The following PPP2R2B variants were observed in gnomAD, a reference collection of about 807,000 sequenced individuals.
PPP2R2B encodes protein phosphatase 2 regulatory subunit Bbeta.
PPP2R2B carries 5 observed loss-of-function variants against 46.0 expected under a neutral mutation model. The ratio of observed to expected loss-of-function variants is 0.11; its 90% confidence interval spans 0.06 to 0.23. PPP2R2B has a LOEUF of 0.23. Ranked by LOEUF, PPP2R2B falls within the 10% of genes least tolerant of loss-of-function variation. The pLI is 1.00. For synonymous variants in PPP2R2B, 215 were observed against 206.7 expected (o/e 1.04, Z -0.34); for missense variants, 367 against 575.0 (o/e 0.64, Z 3.70).
chr5:146,873,222 G>A (rs756657124), intron 2 of PPP2R2B, among the ~76,000 whole-genome samples: 1 of 152,130 alleles, frequency 6.6e-6, no homozygotes, highest in Non-Finnish European at 1.5e-5. Context: ...TAAGTGCAAT[G>A]CAATCTTTCT....
intron 1 of PPP2R2B, among the ~76,000 whole-genome samples, chr5:147,029,393 C>T (rs1463833850): frequency 6.6e-6 from 1 of 152,152 alleles, no homozygotes; most frequent in East Asian, 1.9e-4. Context: ...ATTGAAAAGA[C>T]CACATTTTCT....
chr5:146,703,309 A>C (rs1197770495), intron 2 of PPP2R2B, among the ~76,000 whole-genome samples: 3 of 152,218 alleles, frequency 2.0e-5, no homozygotes, highest in African/African-American at 7.2e-5. Flanking sequence ...GCTCAAATAC[A>C]AACATTTCTC....
intron 1 of PPP2R2B, among the ~76,000 whole-genome samples, chr5:146,910,321 G>T (rs981546788): frequency 6.6e-6 from 1 of 152,192 alleles, no homozygotes; most frequent in South Asian, 2.1e-4. Context: ...GATCATTTAT[G>T]AGCTACAATG....
At position 146,585,732 on chromosome 5, in the gene PPP2R2B, A is replaced by G. The variant is rs1011368021; in HGVS notation, c.*4215T>C. The G allele has an allele frequency of 2.6e-5, 4 of 152,228 alleles. No homozygotes were observed. The highest frequency in any genetic ancestry group is 6.5e-5 in the Admixed American group (1 of 15,280). 9.4% of individuals were successfully genotyped at this position (152,228 alleles called of 1,614,324 possible). Reference sequence around the variant, plus strand: ...GAGATGAGGCATGGAAAGCAATAGTATATTACCCATCACTGTTGTTGCTAT... The same window carrying G: ...GAGATGAGGCATGGAAAGCAATAGTGTATTACCCATCACTGTTGTTGCTAT... On this transcript the variant is annotated 3_prime_UTR_variant, in exon 10 of 10. Transcript: ENST00000394411.
intron 1 of PPP2R2B, among the ~76,000 whole-genome samples, chr5:146,915,537 A>G (rs925768780): frequency 2.0e-5 from 3 of 152,012 alleles, no homozygotes; most frequent in Admixed American, 1.3e-4. Flanking sequence ...AATTGCCACT[A>G]TGTGAAATTT....
At chr5:146,642,721 A>G (rs1257810684) in intron 6 of PPP2R2B, among the ~76,000 whole-genome samples, 4 of 152,206 alleles carry the variant, frequency 2.6e-5, no homozygotes, top group Admixed American at 2.6e-4. Context: ...TGATCAGCAC[A>G]ATTTCCACAT....
intron 2 of PPP2R2B, among the ~76,000 whole-genome samples, chr5:146,836,785 T>C (rs1027860941): frequency 6.6e-6 from 1 of 152,218 alleles, no homozygotes; most frequent in Non-Finnish European, 1.5e-5. Flanking sequence ...GGCTAGATCT[T>C]TTTTAATGTA....
chr5:146,711,245 A>G (rs887157063), intron 2 of PPP2R2B, among the ~76,000 whole-genome samples: 6 of 150,966 alleles, frequency 4.0e-5, no homozygotes, highest in Non-Finnish European at 5.9e-5. Context: ...TTTTTTTTCT[A>G]TGCTCACAAG....
intron 6 of PPP2R2B, among the ~76,000 whole-genome samples, chr5:146,643,523 C>T (rs1464079046): frequency 6.6e-6 from 1 of 152,120 alleles, no homozygotes; most frequent in African/African-American, 2.4e-5. Flanking sequence ...TATGTTCCCA[C>T]TCATAAGTGG....
At chr5:146,844,152 A>G (rs1759836144) in intron 2 of PPP2R2B, among the ~76,000 whole-genome samples, 1 of 135,954 alleles carries the variant, frequency 7.4e-6, no homozygotes, top group Non-Finnish European at 1.5e-5. Context: ...GAATTGAACA[A>G]TGAGATCACA....
At chr5:146,624,648 C>T (rs989401758) in intron 7 of PPP2R2B, among the ~76,000 whole-genome samples, 1 of 152,188 alleles carries the variant, frequency 6.6e-6, no homozygotes, top group African/African-American at 2.4e-5. Flanking sequence ...ATCCTCTTTA[C>T]ACCAAGCCCT....
chr5:146,620,827 C>T (rs565644799), intron 7 of PPP2R2B, among the ~76,000 whole-genome samples: 1 of 152,250 alleles, frequency 6.6e-6, no homozygotes, highest in Non-Finnish European at 1.5e-5. Context: ...AAGAGAAGCC[C>T]GAACTCCCTG....
At chr5:147,031,098 A>G (rs544648044) in intron 1 of PPP2R2B, among the ~76,000 whole-genome samples, 15 of 152,196 alleles carry the variant, frequency 9.9e-5, no homozygotes, top group South Asian at 2.1e-4. Context: ...TTAGCTGGGC[A>G]TGGTGGCGGG....
chr5:146,949,571 T>C (rs1281432737), intron 1 of PPP2R2B, among the ~76,000 whole-genome samples: 2 of 152,030 alleles, frequency 1.3e-5, no homozygotes, highest in East Asian at 3.9e-4. Flanking sequence ...TTGGTGGGGA[T>C]GTAAATTAGT....
chr5:146,868,687 C>A (rs1761450866), intron 2 of PPP2R2B, among the ~76,000 whole-genome samples: 1 of 152,196 alleles, frequency 6.6e-6, no homozygotes, highest in Admixed American at 6.5e-5. Context: ...CCCCCCAGTT[C>A]ATTTTCAAAT....
At chr5:146,991,240 G>A (rs1386630309) in intron 1 of PPP2R2B, among the ~76,000 whole-genome samples, 2 of 152,094 alleles carry the variant, frequency 1.3e-5, no homozygotes, top group African/African-American at 4.8e-5. Context: ...CAAAGGAAAT[G>A]AAATCAGTAT....
chr5:146,613,796 A>T (rs1772862017), intron 7 of PPP2R2B, among the ~76,000 whole-genome samples: 1 of 143,644 alleles, frequency 7.0e-6, no homozygotes, highest in African/African-American at 2.8e-5. Flanking sequence ...CTTACAAGGG[A>T]TAGGAAGGAC....
intron 5 of PPP2R2B, among the ~76,000 whole-genome samples, chr5:146,665,696 G>C (rs1302932775): frequency 6.6e-6 from 1 of 152,228 alleles, no homozygotes; most frequent in Non-Finnish European, 1.5e-5. Context: ...TGTTGGGCCT[G>C]TGTTGGCTTT....
intron 2 of PPP2R2B, among the ~76,000 whole-genome samples, chr5:146,841,536 T>C (rs1759643095): frequency 6.6e-6 from 1 of 152,144 alleles, no homozygotes; most frequent in African/African-American, 2.4e-5. Flanking sequence ...ATGCTTCCCC[T>C]CTTACTACCC....
Sources: gnomAD v4.1 joint callset for allele counts (sites outside exome capture counted in the v4.1 genomes callset) on GRCh38, gnomAD v4.1.1 for gene constraint, MANE v1.5 for transcripts, NCBI Gene and HGNC (gene_info 2026-07-23, HGNC 2026-07-21) for gene names.